RBFOX2: variants seen among roughly 807,000 people sequenced by gnomAD.
The protein encoded by RBFOX2 is RNA binding protein fox-1 homolog 2.
Under a neutral mutation model 49.1 loss-of-function variants are expected in RBFOX2, and 10 were observed. The observed-to-expected ratio is 0.20, with a 90% CI of 0.13 to 0.35. The LOEUF is 0.35. Ranked by LOEUF, RBFOX2 falls within the 10% of genes least tolerant of loss-of-function variation. RBFOX2 has a pLI of 1.00. For missense variants in RBFOX2, 323 were observed against 486.9 expected, an observed-to-expected ratio of 0.66 and a Z score of 3.17; for synonymous variants, 183 against 187.4, an observed-to-expected ratio of 0.98 and a Z score of 0.19.
At chr22:35,983,135 C>T (rs1237954827) in intron 1 of RBFOX2, among the ~76,000 whole-genome samples, 1 of 152,164 alleles carries the variant, frequency 6.6e-6, no homozygotes, top group African/African-American at 2.4e-5. Flanking sequence ...GTAGACTTCA[C>T]CTGGGTGATG....
intron 1 of RBFOX2, among the ~76,000 whole-genome samples, chr22:35,853,658 C>CGTGTGTGTGTGTGTGT (rs36048607): frequency 1.4e-5 from 2 of 141,052 alleles, no homozygotes; most frequent in South Asian, 2.5e-4. Flanking sequence ...TATATACACA[C>CGTGTGTGTGTGTGTGT]GTGTGTGTGT....
At chr22:36,014,676 A>C (rs908723379) in intron 1 of RBFOX2, among the ~76,000 whole-genome samples, 3 of 152,194 alleles carry the variant, frequency 2.0e-5, no homozygotes, top group African/African-American at 7.2e-5. Flanking sequence ...CTCATTATTG[A>C]AAAAAAGCAA....
chr22:35,869,469 CAAAAAAAAAAAA>C (rs35854576), intron 1 of RBFOX2, among the ~76,000 whole-genome samples: 83 of 30,560 alleles, frequency 2.7e-3, no homozygotes, highest in Non-Finnish European at 4.2e-3. Context: ...AACGGCTGAC[CAAAAAAAAAAAA>C]AAAAAAAAAA....
chr22:35,783,719 C>G (rs976773853), intron 2 of RBFOX2, among the ~76,000 whole-genome samples: 9 of 152,294 alleles, frequency 5.9e-5, no homozygotes, highest in Non-Finnish European at 7.4e-5. Flanking sequence ...CCAGGGCCCC[C>G]AGACACCACG....
In RBFOX2 at chr22:35,937,583, TTTTG is replaced by T. The variant is rs553069775; in HGVS notation, c.-34+1260_-34+1263del. Among the ~76,000 whole-genome samples, 24 of 152,156 alleles carry T rather than the reference TTTTG, an allele frequency of 1.6e-4. No individual in the cohort carries two copies. In the East Asian group the frequency reaches 3.7e-3, roughly 23 times the overall value. Reference sequence around the variant, plus strand: ...GTTTTTGTTTTTTTGTAGTTGTTGTTTTTGTTTGTTTTATGTTTTGTTTTTGAGA... The same window carrying T: ...GTTTTTGTTTTTTTGTAGTTGTTGTTTTTGTTTTATGTTTTGTTTTTGAGA... On this transcript the variant is annotated intron_variant, in intron 1 of 13. Coordinates refer to the RBFOX2 transcript ENST00000359369.
At chr22:35,912,992 T>C (rs990870366) in intron 1 of RBFOX2, among the ~76,000 whole-genome samples, 9 of 152,262 alleles carry the variant, frequency 5.9e-5, no homozygotes, top group Non-Finnish European at 1.5e-5. Context: ...CCAGTGCCTT[T>C]CTTAATAAAT....
At chr22:35,879,175 C>A (rs899970299) in intron 1 of RBFOX2, among the ~76,000 whole-genome samples, 6 of 152,212 alleles carry the variant, frequency 3.9e-5, no homozygotes, top group African/African-American at 1.4e-4. Context: ...TGGAGAGAAG[C>A]ATTACAGGCA....
chr22:35,753,287 T>C (rs1935635635), intron 9 of RBFOX2, among the ~76,000 whole-genome samples: 1 of 152,172 alleles, frequency 6.6e-6, no homozygotes, highest in Non-Finnish European at 1.5e-5. Flanking sequence ...GCAAAAATGA[T>C]AGTGTTTTGT....
At chr22:35,840,611 C>CACGCGTGT, upstream of RBFOX2, 1 of 1,123,696 alleles carries the variant, frequency 8.9e-7, no homozygotes, top group Non-Finnish European at 1.1e-6. Flanking sequence ...ACGCTGTGCG[C>CACGCGTGT]ACGCGTGTGT....
intron 1 of RBFOX2, chr22:35,821,701 G>C: frequency 1.9e-6 from 1 of 514,100 alleles, no homozygotes; most frequent in Non-Finnish European, 3.9e-6. Flanking sequence ...TTCCCTAAAA[G>C]GCAGAGGTTC....
intron 1 of RBFOX2, among the ~76,000 whole-genome samples, chr22:35,950,491 T>C (rs1376729065): frequency 1.3e-5 from 2 of 152,184 alleles, no homozygotes; most frequent in East Asian, 1.9e-4. Flanking sequence ...CAGCAGCTAG[T>C]AGCTTCCCTC....
At chr22:35,818,338 T>G (rs1379032419) in intron 1 of RBFOX2, among the ~76,000 whole-genome samples, 1 of 152,236 alleles carries the variant, frequency 6.6e-6, no homozygotes, top group Non-Finnish European at 1.5e-5. Context: ...GTCTGTTCTA[T>G]TCAATGTAAA....
intron 9 of RBFOX2, chr22:35,746,805 A>G: frequency 2.7e-6 from 1 of 369,140 alleles, no homozygotes; most frequent in East Asian, 4.0e-5. Context: ...TATTAAAAGT[A>G]AAGTTTGGTA....
intron 1 of RBFOX2, among the ~76,000 whole-genome samples, chr22:35,876,022 GA>G (rs558564626): frequency 6.6e-6 from 1 of 152,144 alleles, no homozygotes; most frequent in East Asian, 1.9e-4. Context: ...GAGAGTTACT[GA>G]AAAAATGCAA....
At chr22:35,995,389 C>T (rs944123476) in intron 1 of RBFOX2, 30 of 152,278 alleles carry the variant, frequency 2.0e-4, no homozygotes, top group Admixed American at 1.8e-3. Context: ...GCCTCCTCTC[C>T]GCCGGCAATG....
In RBFOX2 at chr22:35,829,071, A is replaced by T. The variant is rs1223861381; in HGVS notation, c.27+11121T>A. ...ATCTCAAAAAACAAACAACAAAACA[A>T]AACAAACAAACAACCCAAGACCCGA... On this transcript the variant is annotated intron_variant, in intron 1 of 11. Coordinates refer to ENST00000405409, the Ensembl canonical transcript of RBFOX2. Among the ~76,000 whole-genome samples, 3 of 152,090 alleles carry T rather than the reference A, an allele frequency of 2.0e-5. No homozygotes were observed. The East Asian group carries it at 5.8e-4, about 29-fold the overall frequency.
intron 1 of RBFOX2, among the ~76,000 whole-genome samples, chr22:35,851,199 T>C (rs572219570): frequency 6.6e-6 from 1 of 152,328 alleles, no homozygotes; most frequent in South Asian, 2.1e-4. Context: ...GATGGTATTC[T>C]TGGTTAAACA....
chr22:36,025,740 A>G (rs2059407356), intron 1 of RBFOX2, among the ~76,000 whole-genome samples: 1 of 152,226 alleles, frequency 6.6e-6, no homozygotes, highest in Non-Finnish European at 1.5e-5. Context: ...AAGGTAACTT[A>G]GAACTTGGCC....
chr22:35,846,484 T>C (rs2041229931), intron 1 of RBFOX2, among the ~76,000 whole-genome samples: 1 of 151,534 alleles, frequency 6.6e-6, no homozygotes, highest in African/African-American at 2.4e-5. Context: ...AGGCTGGGCA[T>C]AGTGGCTCAC....
Sources: allele counts gnomAD v4.1 joint callset (sites outside exome capture counted in the v4.1 genomes callset), GRCh38; gene constraint gnomAD v4.1.1; transcripts MANE v1.5; gene names NCBI Gene and HGNC (gene_info 2026-07-23, HGNC 2026-07-21).